Variants in PDE5A observed in about 807,000 individuals in gnomAD.
The protein encoded by PDE5A is cGMP-specific 3',5'-cyclic phosphodiesterase.
PDE5A carries 67 observed loss-of-function variants against 110.2 expected under a neutral mutation model. The observed-to-expected ratio is 0.61, with a 90% CI of 0.50 to 0.75. The LOEUF is 0.75. PDE5A is among the 30% of genes least tolerant of loss of function. PDE5A has a pLI of 0.00. For missense variants in PDE5A, 862 were observed against 1,045.1 expected (o/e 0.82, Z 2.42); for synonymous variants, 328 against 351.2 (o/e 0.93, Z 0.74).
At chr4:119,546,794 A>G (rs1477444418) in intron 9 of PDE5A, among the ~76,000 whole-genome samples, 3 of 152,242 alleles carry the variant, frequency 2.0e-5, no homozygotes, top group Non-Finnish European at 2.9e-5. Flanking sequence ...AGCTTTCCTC[A>G]TATAGATGAC....
chr4:119,592,855 G>C (rs144107841), intron 3 of PDE5A, among the ~76,000 whole-genome samples: 116 of 152,212 alleles, frequency 7.6e-4, no homozygotes, highest in African/African-American at 2.7e-3. Flanking sequence ...ACCAGCAGGA[G>C]AGGATGTGAG....
At chr4:119,580,011 A>G (rs1488160697) in intron 3 of PDE5A, among the ~76,000 whole-genome samples, 1 of 152,174 alleles carries the variant, frequency 6.6e-6, no homozygotes, top group African/African-American at 2.4e-5. Context: ...GTTCTGTGCT[A>G]TTAGGGAGGA....
At chr4:119,557,512 T>C (rs1727584615) in intron 7 of PDE5A, among the ~76,000 whole-genome samples, 1 of 152,206 alleles carries the variant, frequency 6.6e-6, no homozygotes, top group East Asian at 1.9e-4. Context: ...TACGTGGAGC[T>C]TGAAAAGATA....
intron 3 of PDE5A, among the ~76,000 whole-genome samples, chr4:119,591,273 T>C (rs1011598176): frequency 4.6e-5 from 7 of 152,212 alleles, no homozygotes; most frequent in African/African-American, 1.4e-4. Flanking sequence ...TAGTAGCTGA[T>C]GCACTTCCAG....
intron 9 of PDE5A, among the ~76,000 whole-genome samples, chr4:119,546,553 GA>G (rs151293691): frequency 0.014 from 2,062 of 151,956 alleles, 23 homozygotes; most frequent in African/African-American, 0.023. Flanking sequence ...TTTAATTTCT[GA>G]AAGGGCAATA....
intron 9 of PDE5A, chr4:119,548,387 A>G (rs974498607): frequency 4.6e-5 from 7 of 152,166 alleles, no homozygotes; most frequent in African/African-American, 1.7e-4. Context: ...TTTGTATGTC[A>G]ATGATGCTAT....
chr4:119,505,966 T>G (rs746756029), intron 16 of PDE5A, 34 bp from the exon 17 acceptor site: 4 of 1,254,966 alleles, frequency 3.2e-6, no homozygotes, highest in Non-Finnish European at 4.5e-6. Context: ...TTAGTTATAA[T>G]GAGTACCCAG....
Position 119,563,704 on chromosome 4 carries a change from G to A in PDE5A, c.994-734C>T, listed in dbSNP as rs528793181. Among the ~76,000 whole-genome samples, 24 of 152,238 alleles carry A rather than the reference G, an allele frequency of 1.6e-4. No homozygotes were observed. The South Asian group carries it at 4.4e-3, about 28-fold the overall frequency. ...AAGAACTGGGAGATGAGGTTGCAGC[G>A]TTAAGTAGAAAAAGAACCTGAAAAG... is the stretch of plus-strand genomic sequence containing the variant. On this transcript the variant is annotated intron_variant, in intron 5 of 20. Transcript: ENST00000354960.
intron 3 of PDE5A, among the ~76,000 whole-genome samples, chr4:119,574,427 C>T (rs951741617): frequency 3.3e-5 from 5 of 151,860 alleles, no homozygotes; most frequent in South Asian, 4.2e-4. Flanking sequence ...GCGATCTGCC[C>T]GCCTCGGCCT....
intron 11 of PDE5A, 85 bp downstream of exon 11, chr4:119,538,875 A>G (rs1243378913): frequency 4.2e-6 from 4 of 954,910 alleles, no homozygotes; most frequent in Non-Finnish European, 6.8e-6. Context: ...AAACATTTTT[A>G]TAAGTATCCA....
intron 9 of PDE5A, 166 bp downstream of exon 9, chr4:119,552,384 A>G: frequency 2.5e-6 from 1 of 404,666 alleles, no homozygotes; most frequent in Non-Finnish European, 4.4e-6. Flanking sequence ...TTTATAAGAT[A>G]TTTAACAAAT....
chr4:119,568,694 AT>A (rs1382711727), intron 3 of PDE5A, among the ~76,000 whole-genome samples: 2 of 152,034 alleles, frequency 1.3e-5, no homozygotes, highest in Admixed American at 6.6e-5. Flanking sequence ...TGACATTTAA[AT>A]TTTTTTTCTC....
At chr4:119,502,856 C>A (rs1007453698) in intron 18 of PDE5A, among the ~76,000 whole-genome samples, 1 of 152,114 alleles carries the variant, frequency 6.6e-6, no homozygotes, top group Non-Finnish European at 1.5e-5. Flanking sequence ...CACTTAGGTA[C>A]ATCTCTCTGT....
At chr4:119,591,784 C>T (rs1728973265) in intron 3 of PDE5A, among the ~76,000 whole-genome samples, 1 of 152,110 alleles carries the variant, frequency 6.6e-6, no homozygotes, top group Middle Eastern at 3.4e-3. Context: ...TTGAACTTGG[C>T]AGTGTGAACC....
intron 1 of PDE5A, among the ~76,000 whole-genome samples, chr4:119,610,976 T>C (rs560280561): frequency 6.6e-5 from 10 of 152,310 alleles, no homozygotes; most frequent in Non-Finnish European, 8.8e-5. Context: ...TGGCTTTTCA[T>C]TGAACTGAGA....
intron 3 of PDE5A, among the ~76,000 whole-genome samples, chr4:119,570,439 C>T (rs1355424218): frequency 1.3e-5 from 2 of 152,192 alleles, no homozygotes; most frequent in Non-Finnish European, 2.9e-5. Context: ...GATATGGGCA[C>T]TCCACGCTAT....
At chr4:119,512,572 G>A (rs1241548450) in intron 14 of PDE5A, 2 of 152,196 alleles carry the variant, frequency 1.3e-5, no homozygotes, top group Non-Finnish European at 2.9e-5. Flanking sequence ...AGGAAGAGAA[G>A]CAGACATCTG....
At position 119,591,394 on chromosome 4, in the gene PDE5A, A is replaced by AAGATCAAAGGGATT. The variant is rs147454934; in HGVS notation, c.831+5115_831+5128dup. Reference sequence around the variant, plus strand: ...CCTCATTTTGCAGATGAGGAAACTGAAGATCAAAGGGATTAACCAGTTCCA... The same window carrying AAGATCAAAGGGATT: ...CCTCATTTTGCAGATGAGGAAACTGAAGATCAAAGGGATTAGATCAAAGGGATTAACCAGTTCCA... On this transcript the variant is annotated intron_variant, in intron 3 of 20. Transcript: ENST00000354960. Among the ~76,000 whole-genome samples the AAGATCAAAGGGATT allele has an allele frequency of 6.2e-3, 944 of 152,310 alleles. 9 individuals carry two copies. Among genetic ancestry groups the AAGATCAAAGGGATT allele is most frequent in the African/African-American group, 0.021 (893 of 41,576 alleles).
intron 20 of PDE5A, among the ~76,000 whole-genome samples, chr4:119,500,602 CAAA>C (rs760172549): frequency 4.6e-5 from 7 of 151,928 alleles, no homozygotes; most frequent in Non-Finnish European, 8.8e-5. Context: ...CCTTCAAAGA[CAAA>C]GACAACTTCT....
Sources: allele counts gnomAD v4.1 joint callset (sites outside exome capture counted in the v4.1 genomes callset), GRCh38; gene constraint gnomAD v4.1.1; transcripts MANE v1.5; gene names NCBI Gene and HGNC (gene_info 2026-07-23, HGNC 2026-07-21).